The following KDM4C variants were observed in gnomAD, a reference collection of about 807,000 sequenced individuals.
KDM4C encodes the protein lysine-specific demethylase 4C.
KDM4C carries 81 observed loss-of-function variants against 129.3 expected under a neutral mutation model. That is an observed-to-expected ratio of 0.63 (90% CI 0.52 to 0.75). The LOEUF is 0.75. KDM4C is among the 30% of genes least tolerant of loss of function. The pLI, the probability that KDM4C is intolerant of heterozygous loss-of-function variation, is 0.00. For missense variants in KDM4C, 1,457 were observed against 1,304.0 expected, an observed-to-expected ratio of 1.12 and a Z score of -1.81; for synonymous variants, 573 against 456.1, an observed-to-expected ratio of 1.26 and a Z score of -3.26.
intron 1 of KDM4C, among the ~76,000 whole-genome samples, chr9:6,740,995 T>G (rs1817676431): frequency 1.3e-5 from 2 of 151,608 alleles, no homozygotes; most frequent in South Asian, 4.2e-4. Flanking sequence ...TGGCTAATTT[T>G]TGTATTTTTA....
intron 19 of KDM4C, among the ~76,000 whole-genome samples, chr9:7,148,472 G>C (rs1411573070): frequency 6.6e-6 from 1 of 152,218 alleles, no homozygotes; most frequent in East Asian, 1.9e-4. Flanking sequence ...GAGAACAGGA[G>C]GGCTGTAGTG....
chr9:7,093,184 T>C (rs143145141), intron 17 of KDM4C, among the ~76,000 whole-genome samples: 2 of 152,224 alleles, frequency 1.3e-5, no homozygotes, highest in African/African-American at 4.8e-5. Context: ...TACTCCTCTG[T>C]TGTGGCCACC....
At chr9:7,057,563 A>G (rs903766091) in intron 17 of KDM4C, among the ~76,000 whole-genome samples, 1 of 152,240 alleles carries the variant, frequency 6.6e-6, no homozygotes, top group Non-Finnish European at 1.5e-5. Context: ...GAAAAAGTTA[A>G]CAGTCTGACA....
At chr9:7,071,144 G>T (rs532018109) in intron 17 of KDM4C, among the ~76,000 whole-genome samples, 3 of 152,034 alleles carry the variant, frequency 2.0e-5, no homozygotes, top group Non-Finnish European at 2.9e-5. Context: ...ACTATAAAAC[G>T]CTAATAAAGG....
chr9:6,834,300 G>T (rs900982621), intron 4 of KDM4C, among the ~76,000 whole-genome samples: 22 of 152,030 alleles, frequency 1.4e-4, no homozygotes, highest in Admixed American at 9.8e-4. Context: ...GCCTCCCAAA[G>T]TGCTGAGATT....
At chr9:6,806,341 A>G (rs1182593237) in intron 3 of KDM4C, among the ~76,000 whole-genome samples, 1 of 151,956 alleles carries the variant, frequency 6.6e-6, no homozygotes, top group Non-Finnish European at 1.5e-5. Flanking sequence ...CTAAAACTAC[A>G]AAATTAACCA....
intron 5 of KDM4C, among the ~76,000 whole-genome samples, chr9:6,863,495 A>T (rs1317410436): frequency 6.6e-6 from 1 of 152,112 alleles, no homozygotes; most frequent in African/African-American, 2.4e-5. Context: ...TACAGAGATC[A>T]CATGGTAAGA....
At chr9:6,769,224 A>G (rs1821270527) in intron 1 of KDM4C, among the ~76,000 whole-genome samples, 1 of 151,866 alleles carries the variant, frequency 6.6e-6, no homozygotes, top group Non-Finnish European at 1.5e-5. Flanking sequence ...TTTCCATGCA[A>G]TCTGGAACAT....
intron 10 of KDM4C, 31 bp downstream of exon 10, chr9:6,984,435 T>G: frequency 7.1e-7 from 1 of 1,410,020 alleles, no homozygotes; most frequent in Non-Finnish European, 1.0e-6. Context: ...GTTTCACATA[T>G]AAGTAGTAGG....
chr9:6,955,774 A>G (rs760060740), intron 8 of KDM4C, among the ~76,000 whole-genome samples: 31 of 152,222 alleles, frequency 2.0e-4, no homozygotes, highest in Non-Finnish European at 4.3e-4. Context: ...CACACTCTGT[A>G]TCAAAGTGTC....
chr9:6,902,526 C>T (rs1040673534), intron 8 of KDM4C: 1 of 152,142 alleles, frequency 6.6e-6, no homozygotes, highest in African/African-American at 2.4e-5. Flanking sequence ...GTTTTCCTAC[C>T]TGTAAAGAGG....
chr9:6,984,360 G>A lies in KDM4C; in HGVS notation c.1310G>A (p.Arg437Lys). The A allele has an allele frequency of 1.9e-6, 3 of 1,613,866 alleles. No homozygotes were observed. The highest frequency in any genetic ancestry group is 2.5e-6 in the Non-Finnish European group (3 of 1,179,776). The change falls in exon 10 of 22, where the codon AGG (arginine) becomes AAG (lysine). Residue 437 changes from arginine to lysine, a missense_variant. Physicochemically the swap from Arg to Lys is conservative, Grantham distance 26. Coordinates refer to ENST00000381309, the MANE Select transcript of KDM4C (RefSeq NM_015061.6). ...TCAGAAGAAGAGTCATCTGCTAGCAGGATGCAGGTGGAGCAGAATTTATCA... is the reference window on the plus strand; with the variant it reads ...TCAGAAGAAGAGTCATCTGCTAGCAAGATGCAGGTGGAGCAGAATTTATCA... ...ASSEEESSAS[R>K]MQVEQNLSDH...
intron 17 of KDM4C, among the ~76,000 whole-genome samples, chr9:7,100,465 G>A (rs183170514): frequency 1.6e-4 from 24 of 152,084 alleles, no homozygotes; most frequent in African/African-American, 2.9e-4. Flanking sequence ...TCAGCCGCCC[G>A]AGTAGCTGGG....
chr9:7,149,573 C>T (rs1842541122), intron 19 of KDM4C, among the ~76,000 whole-genome samples: 1 of 152,262 alleles, frequency 6.6e-6, no homozygotes, highest in South Asian at 2.1e-4. Flanking sequence ...CTGGCATCCT[C>T]ACAGTGGCTG....
chr9:6,945,970 A>G lies in KDM4C; in HGVS notation c.922-34955A>G, dbSNP rs565876534. On this transcript the variant is annotated intron_variant, in intron 8 of 21. Coordinates refer to ENST00000381309, the MANE Select transcript of KDM4C (RefSeq NM_015061.6). ...CTTTTCTATTGGTATTTTATGGCAA[A>G]ATTTATACCATTCAAATGAGAATTC... 1.1e-3 allele frequency among the ~76,000 whole-genome samples: 170 copies of G among 152,244 alleles called. 1 individual carries two copies. Among genetic ancestry groups the G allele is most frequent in the African/African-American group, 3.9e-3 (164 of 41,550 alleles).
At chr9:6,910,750 A>G (rs770260412) in intron 8 of KDM4C, among the ~76,000 whole-genome samples, 3 of 152,232 alleles carry the variant, frequency 2.0e-5, no homozygotes, top group Admixed American at 6.5e-5. Context: ...TTGCCCAAGA[A>G]TGTATTTATT....
rs142618297 is a variant in KDM4C, at chr9:7,034,089, T to C, written c.2260-12773T>C. Among the ~76,000 whole-genome samples, 7 of 152,284 alleles carry C rather than the reference T, an allele frequency of 4.6e-5. No individual in the cohort carries two copies. In the East Asian group the frequency reaches 1.3e-3, roughly 29 times the overall value. Reference sequence around the variant, plus strand: ...TTGCTTTTCTTAAAAAATTGTTTTTTAAATTGACATAATTGTACATATTCA... The same window carrying C: ...TTGCTTTTCTTAAAAAATTGTTTTTCAAATTGACATAATTGTACATATTCA... On this transcript the variant is annotated intron_variant, in intron 15 of 21. Coordinates refer to ENST00000381309, the MANE Select transcript of KDM4C (RefSeq NM_015061.6).
In KDM4C at chr9:6,984,189, C is replaced by A; in HGVS notation, c.1139C>A (p.Ser380Tyr). 2 of 1,613,696 alleles carry A rather than the reference C, an allele frequency of 1.2e-6. No individual in the cohort carries two copies. Among genetic ancestry groups the A allele is most frequent in the Non-Finnish European group, 1.7e-6 (2 of 1,179,684 alleles). ...AGCTTCCAGTGTGCTAGGTCTACCT[C>A]TAAAAGGCCTAAGGCTGATGAGGAA... ...SRSFQCARST[S>Y]KRPKADEEEE... The change falls in exon 10 of 22, where the codon TCT becomes TAT. Residue 380 changes from serine to tyrosine, a missense_variant. Ser to Tyr is a moderately radical substitution (Grantham distance 144). Coordinates refer to ENST00000381309, the MANE Select transcript of KDM4C (RefSeq NM_015061.6).
intron 18 of KDM4C, among the ~76,000 whole-genome samples, chr9:7,125,063 G>C (rs1839894516): frequency 6.6e-6 from 1 of 152,084 alleles, no homozygotes; most frequent in Non-Finnish European, 1.5e-5. Flanking sequence ...TGGCTTCCTA[G>C]GTTCACAGAA....
Sources: gnomAD v4.1 joint callset for allele counts (sites outside exome capture counted in the v4.1 genomes callset) on GRCh38, gnomAD v4.1.1 for gene constraint, MANE v1.5 for transcripts, NCBI Gene and HGNC (gene_info 2026-07-23, HGNC 2026-07-21) for gene names.